Variants in CAPS2 observed in about 807,000 individuals in gnomAD.
The protein encoded by CAPS2 is calcyphosin-2.
CAPS2 carries 98 observed loss-of-function variants against 86.5 expected under a neutral mutation model. The observed-to-expected ratio is 1.13, with a 90% CI of 0.96 to 1.34. The LOEUF (loss-of-function observed/expected upper bound fraction) is 1.34. Among genes scored for constraint, CAPS2 ranks in the 40% most tolerant of loss-of-function variants. CAPS2 has a pLI of 0.00. For missense variants in CAPS2, 729 were observed against 686.8 expected, an observed-to-expected ratio of 1.06 and a Z score of -0.69; for synonymous variants, 210 against 225.1, an observed-to-expected ratio of 0.93 and a Z score of 0.60.
chr12:75,373,401 C>T (rs1407194144), intron 1 of CAPS2: 2 of 152,174 alleles, frequency 1.3e-5, no homozygotes, highest in African/African-American at 4.8e-5. Flanking sequence ...AGAGGTCCAT[C>T]CACATACCTC....
At chr12:75,388,766 A>G (rs1198491508) in intron 1 of CAPS2, among the ~76,000 whole-genome samples, 6 of 152,162 alleles carry the variant, frequency 3.9e-5, no homozygotes, top group Admixed American at 3.3e-4. Flanking sequence ...ACCAAGAATG[A>G]GCCCTAATAT....
chr12:75,306,077 C>T (rs906392526), intron 7 of CAPS2: 5 of 1,468,708 alleles, frequency 3.4e-6, no homozygotes, highest in Non-Finnish European at 3.8e-6. Flanking sequence ...TGCTGCGCGT[C>T]CTGGGGCTGC....
chr12:75,387,031 A>G (rs1413610365), intron 1 of CAPS2, among the ~76,000 whole-genome samples: 1 of 152,230 alleles, frequency 6.6e-6, no homozygotes, highest in Non-Finnish European at 1.5e-5. Context: ...CACAAAAGGT[A>G]TGATTTATGA....
intron 1 of CAPS2, chr12:75,373,497 T>C (rs779492123): frequency 6.6e-6 from 1 of 152,184 alleles, no homozygotes; most frequent in Non-Finnish European, 1.5e-5. Flanking sequence ...CTACAGCCCA[T>C]GAATCACTAT....
intron 4 of CAPS2, among the ~76,000 whole-genome samples, chr12:75,322,427 T>A (rs1248949167): frequency 1.3e-5 from 2 of 152,184 alleles, no homozygotes; most frequent in African/African-American, 4.8e-5. Context: ...AGGAGAAGGA[T>A]GAAGCAAAGC....
chr12:75,276,931 T>A, downstream of CAPS2: 1 of 984,720 alleles, frequency 1.0e-6, no homozygotes, highest in Non-Finnish European at 1.2e-6. Context: ...GTTGTGGATG[T>A]TTGAAATGTC....
chr12:75,356,482 G>A (rs2043164727), intron 1 of CAPS2, among the ~76,000 whole-genome samples: 1 of 152,082 alleles, frequency 6.6e-6, no homozygotes. Context: ...TAACTTGATC[G>A]TGATAAGTAA....
At position 75,293,465 on chromosome 12, in the gene CAPS2, G is replaced by A. The variant is rs538468941; in HGVS notation, c.1045-98C>T. 174 of 777,518 alleles carry A rather than the reference G, an allele frequency of 2.2e-4. No individual in the cohort carries two copies. The African/African-American group carries it at 2.3e-3, about 10-fold the overall frequency. 48.2% of individuals were successfully genotyped at this position (777,518 alleles called of 1,614,324 possible). ...TAATGGATTTTGATTAATGTGACAC[G>A]ATATACTTTAACAAGGGTAAGAAGT... is the stretch of plus-strand genomic sequence containing the variant. On this transcript the variant is annotated intron_variant, in intron 11 of 16. Transcript: ENST00000393284.
chr12:75,288,494 A>G (rs1333894959), intron 14 of CAPS2, among the ~76,000 whole-genome samples: 1 of 152,232 alleles, frequency 6.6e-6, no homozygotes, highest in Non-Finnish European at 1.5e-5. Flanking sequence ...TTGAACCTAA[A>G]TGTCCTAAGT....
rs191896657 is a variant in CAPS2, at chr12:75,335,544, A to G, written c.-394-12322T>C. ...TATGAGCATAAACGTTGATAGTATTAGTCTATTTTATGTGCTATGCAGATG... is the reference window on the plus strand; with the variant it reads ...TATGAGCATAAACGTTGATAGTATTGGTCTATTTTATGTGCTATGCAGATG... On this transcript the variant is annotated intron_variant, in intron 1 of 5. Transcript: ENST00000551829. 9.2e-5 allele frequency among the ~76,000 whole-genome samples: 14 copies of G among 152,292 alleles called. No individual in the cohort carries two copies. In the East Asian group the frequency reaches 2.1e-3, roughly 23 times the overall value.
intron 1 of CAPS2, chr12:75,370,559 T>C (rs2044294800): frequency 6.4e-6 from 1 of 156,264 alleles, no homozygotes; most frequent in African/African-American, 2.4e-5. Context: ...AGAAACAAAA[T>C]GTTACTGAGG....
At chr12:75,373,181 G>A (rs1284193257) in intron 1 of CAPS2, among the ~76,000 whole-genome samples, 2 of 152,168 alleles carry the variant, frequency 1.3e-5, no homozygotes, top group Admixed American at 6.5e-5. Context: ...CCATGATGCT[G>A]AGCCCATGTG....
At chr12:75,369,659 T>A (rs2044227605) in intron 1 of CAPS2, 4 of 984,446 alleles carry the variant, frequency 4.1e-6, no homozygotes, top group Admixed American at 6.2e-5. Context: ...GGGACGTGAA[T>A]TGGGAATGAA....
intron 1 of CAPS2, among the ~76,000 whole-genome samples, chr12:75,356,868 A>G (rs1593780858): frequency 6.6e-6 from 1 of 152,176 alleles, no homozygotes; most frequent in Admixed American, 6.6e-5. Flanking sequence ...AGAATGGAAA[A>G]AAGTTTACCA....
At chr12:75,348,909 C>T (rs1418444757) in intron 1 of CAPS2, among the ~76,000 whole-genome samples, 3 of 152,144 alleles carry the variant, frequency 2.0e-5, no homozygotes, top group Non-Finnish European at 4.4e-5. Flanking sequence ...CCCTATAATT[C>T]CCCCAGCTTC....
intron 1 of CAPS2, among the ~76,000 whole-genome samples, chr12:75,340,227 A>G (rs1230708110): frequency 6.6e-6 from 1 of 151,440 alleles, no homozygotes; most frequent in Non-Finnish European, 1.5e-5. Flanking sequence ...GACCGTTTCC[A>G]TATTTTTAGA....
At chr12:75,316,280 T>C (rs1231128722) in intron 6 of CAPS2, 32 bp downstream of exon 6, 1 of 1,548,424 alleles carries the variant, frequency 6.5e-7, no homozygotes, top group Non-Finnish European at 8.7e-7. Flanking sequence ...GATTAATGGC[T>C]CACCAAATAA....
intron 1 of CAPS2, chr12:75,367,147 C>T (rs1048029043): frequency 6.3e-6 from 4 of 631,978 alleles, no homozygotes; most frequent in Non-Finnish European, 1.1e-5. Flanking sequence ...AAAGTGGAAA[C>T]CAAATAGGGT....
intron 1 of CAPS2, chr12:75,365,324 T>G (rs977299352): frequency 6.6e-6 from 1 of 152,086 alleles, no homozygotes; most frequent in Non-Finnish European, 1.5e-5. Flanking sequence ...TAAAAAAGAA[T>G]GTGTGTGTTA....
Sources: allele counts gnomAD v4.1 joint callset (sites outside exome capture counted in the v4.1 genomes callset), GRCh38; gene constraint gnomAD v4.1.1; transcripts MANE v1.5; gene names NCBI Gene and HGNC (gene_info 2026-07-23, HGNC 2026-07-21).